The following SSUH2 variants were observed in gnomAD, a reference collection of about 807,000 sequenced individuals.
SSUH2 encodes ssu-2 homolog, also known as protein SSUH2 homolog.
SSUH2 carries 47 observed loss-of-function variants against 55.3 expected under a neutral mutation model. That is an observed-to-expected ratio of 0.85 (90% CI 0.67 to 1.08). The LOEUF (loss-of-function observed/expected upper bound fraction) is 1.08, where lower values mean the gene tolerates loss of function less well. Ranked by LOEUF, SSUH2 falls within the 50% of genes least tolerant of loss-of-function variation. The probability of loss-of-function intolerance (pLI) is 0.00; values close to 1 mark genes in which losing one functional copy is unlikely to be tolerated. For synonymous variants in SSUH2, 212 were observed against 191.5 expected (o/e 1.11, Z -0.89); for missense variants, 535 against 490.7 (o/e 1.09, Z -0.85).
rs560501734 is a variant in SSUH2 at position 8,634,275 on chromosome 3, A to T, written c.210-480T>A. 114 of 799,934 alleles carry T rather than the reference A, an allele frequency of 1.4e-4. 1 individual carries two copies. In the South Asian group the frequency reaches 1.8e-3, roughly 13 times the overall value. The allele number at this position is 799,934 out of a possible 1,614,324, so 49.6% of individuals were successfully genotyped here. On this transcript the variant is annotated intron_variant, in intron 3 of 11. Transcript: ENST00000544814. ...TGGCCCAGGGCTGATGGCAGCGCCC[A>T]TGGAGACTCACCCTGAGGACCGTGG...
At chr3:8,673,521 C>G (rs560400029) in intron 3 of SSUH2, among the ~76,000 whole-genome samples, 117 of 152,232 alleles carry the variant, frequency 7.7e-4, no homozygotes, top group African/African-American at 2.8e-3. Flanking sequence ...AAACAATACC[C>G]CATCCTACAG....
chr3:8,667,114 G>A (rs1282986034), intron 5 of SSUH2, among the ~76,000 whole-genome samples: 1 of 152,206 alleles, frequency 6.6e-6, no homozygotes, highest in Non-Finnish European at 1.5e-5. Flanking sequence ...AGGGGTAAAG[G>A]GGTGGCTACT....
In SSUH2 at chr3:8,619,503, C is replaced by T. The variant is rs886342645; in HGVS notation, c.*365G>A. On this transcript the variant is annotated 3_prime_UTR_variant, in exon 12 of 12. Transcript: ENST00000544814. ...TACTCAGATCGTCAAGAGGCTCCCA[C>T]TAGAAGAAGCACACCAGAACCAAGA... The T allele has an allele frequency of 5.9e-5, 12 of 202,138 alleles. No individual in the cohort carries two copies. The Admixed American group carries it at 6.7e-4, about 11-fold the overall frequency. 12.5% of individuals were successfully genotyped at this position (202,138 alleles called of 1,614,324 possible). A position where few individuals can be genotyped will look rare whatever the true frequency, so the allele number is the denominator to read the frequency against.
At chr3:8,629,622 C>G in intron 7 of SSUH2, 42 bp downstream of exon 7, 1 of 647,748 alleles carries the variant, frequency 1.5e-6, no homozygotes, top group South Asian at 2.9e-5. Context: ...CCCCCGGCCA[C>G]CACACCCTCA....
At chr3:8,639,173 G>A (rs77641521) in intron 1 of SSUH2, among the ~76,000 whole-genome samples, 1 of 152,210 alleles carries the variant, frequency 6.6e-6, no homozygotes, top group African/African-American at 2.4e-5. Context: ...GGCATTGTGT[G>A]ACACCCAGCA....
chr3:8,652,407 A>G (rs192477061), intron 7 of SSUH2, among the ~76,000 whole-genome samples: 2 of 152,302 alleles, frequency 1.3e-5, no homozygotes, highest in East Asian at 3.9e-4. Context: ...TTGTGTCACT[A>G]ATAGCAGCTG....
Position 8,626,427 on chromosome 3 carries a change from C to T in SSUH2, c.675-106G>A, listed in dbSNP as rs79447310. ...CCTCCTGGAGGTAGACTGTGGTGGGCCTGCATTGTTTGTACCTGCCCACCA... is the reference window on the plus strand; with the variant it reads ...CCTCCTGGAGGTAGACTGTGGTGGGTCTGCATTGTTTGTACCTGCCCACCA... On this transcript the variant is annotated intron_variant, in intron 8 of 11. Transcript: ENST00000544814. The T allele has an allele frequency of 2.5e-3, 2,035 of 806,854 alleles. 38 individuals are homozygous for T. In the African/African-American group the frequency reaches 0.031, roughly 12 times the overall value. The allele number at this position is 806,854 out of a possible 1,614,324, so 50.0% of individuals were successfully genotyped here.
intron 7 of SSUH2, among the ~76,000 whole-genome samples, chr3:8,653,133 G>T (rs73015950): frequency 0.027 from 4,067 of 152,330 alleles, 75 homozygotes; most frequent in Admixed American, 0.056. Flanking sequence ...ACATGGAGAT[G>T]TATGTCATCC....
intron 3 of SSUH2, 172 bp from the exon 4 acceptor site, chr3:8,633,967 T>A (rs1416292023): frequency 6.2e-7 from 1 of 1,611,554 alleles, no homozygotes; most frequent in Admixed American, 1.7e-5. Flanking sequence ...TGTGAACGGG[T>A]GCCCAGCGTG....
In SSUH2 at chr3:8,623,611, A is replaced by G; in HGVS notation, c.919T>C (p.Ser307Pro). ...DFPLRDISLASQRGIAEHSAA... is the reference protein window; with the variant it reads ...DFPLRDISLAPQRGIAEHSAA... ...CTGTGCTCTGCAATGCCCCTCTGGG[A>G]GGCAAGAGAGATGTCTCGCAGAGGG... The change falls in exon 11 of 12, where the codon TCC (serine) becomes CCC (proline). Residue 307 changes from serine to proline, a missense_variant. Coordinates refer to ENST00000544814, the MANE Select transcript of SSUH2 (RefSeq NM_001256748.3). 1 of 1,545,728 alleles carries G rather than the reference A, an allele frequency of 6.5e-7. No individual in the cohort carries two copies. The highest frequency in any genetic ancestry group is 8.8e-7 in the Non-Finnish European group (1 of 1,142,416).
rs1263860163 is a variant in SSUH2, at chr3:8,676,920, T to C, written c.-753+286A>G. Among the ~76,000 whole-genome samples the C allele has an allele frequency of 7.2e-5, 10 of 139,192 alleles. 1 individual carries two copies. Among genetic ancestry groups the C allele is most frequent in the African/African-American group, 2.7e-4 (10 of 37,298 alleles). The allele number at this position is 139,192 out of a possible 152,430, so 91.3% of individuals were successfully genotyped here. On this transcript the variant is annotated intron_variant, in intron 3 of 18. Transcript: ENST00000317371. The stretch of plus-strand genomic sequence containing the variant: ...AGAGAGCCAGCCCCTCTTTCCCCCC[T>C]GGCTCTTAGGACCCCCATAGTACGG...
At chr3:8,642,220 A>G (rs1446571451) in intron 1 of SSUH2, among the ~76,000 whole-genome samples, 1 of 152,228 alleles carries the variant, frequency 6.6e-6, no homozygotes, top group Non-Finnish European at 1.5e-5. Context: ...GGTATATAGA[A>G]TAAGGGAGGG....
chr3:8,626,368 G>C, intron 8 of SSUH2, 47 bp from the exon 9 acceptor site: 1 of 1,521,430 alleles, frequency 6.6e-7, no homozygotes, highest in East Asian at 2.3e-5. Context: ...TGCAGGTCCT[G>C]GTGGCTTCCA....
chr3:8,623,137 G>T (rs1455268568), intron 11 of SSUH2, among the ~76,000 whole-genome samples: 1 of 152,232 alleles, frequency 6.6e-6, no homozygotes, highest in African/African-American at 2.4e-5. Context: ...CAGAGGCCAG[G>T]AGAAGACAGG....
At chr3:8,681,137 CCT>C (rs1705912367) in intron 1 of SSUH2, among the ~76,000 whole-genome samples, 1 of 95,508 alleles carries the variant, frequency 1.0e-5, no homozygotes, top group East Asian at 6.1e-4. Flanking sequence ...CTCTTCCCCC[CCT>C]GCCTCTTAGG....
chr3:8,646,845 T>C (rs1241165864), upstream of SSUH2, among the ~76,000 whole-genome samples: 1 of 152,224 alleles, frequency 6.6e-6, no homozygotes, highest in African/African-American at 2.4e-5. Flanking sequence ...ACTATGTGCC[T>C]GACATCTGAC....
At position 8,630,868 on chromosome 3, in the gene SSUH2, T is replaced by C. The variant is rs2125153617; in HGVS notation, c.462A>G (p.Gln154=). The C allele has an allele frequency of 6.7e-7, 1 of 1,501,944 alleles. No homozygotes were observed. The highest frequency in any genetic ancestry group is 8.9e-7 in the Non-Finnish European group (1 of 1,125,816). 93.0% of individuals were successfully genotyped at this position (1,501,944 alleles called of 1,614,324 possible). A position where few individuals can be genotyped will look rare whatever the true frequency, so the allele number is the denominator to read the frequency against. ...ASPRLWDIKV[Q]GPPMFQEDTR... ...TGTCTTCCTGAAACATCGGAGGACC[T>C]TGAACCTTGATGTCCCAGAGCCTGG... Residue 154 remains glutamine (Q), a synonymous_variant, in exon 6 of 12, where the codon CAA becomes CAG. Transcript: ENST00000544814.
intron 5 of SSUH2, among the ~76,000 whole-genome samples, chr3:8,669,740 T>C (rs1559531609): frequency 6.6e-6 from 1 of 152,092 alleles, no homozygotes; most frequent in African/African-American, 2.4e-5. Flanking sequence ...TCTCAATCTA[T>C]CAAAGCATGA....
intron 1 of SSUH2, among the ~76,000 whole-genome samples, chr3:8,681,548 A>G (rs1204333805): frequency 7.6e-6 from 1 of 132,360 alleles, no homozygotes; most frequent in African/African-American, 2.9e-5. Context: ...TCGGACCCCC[A>G]TGGGGGGCGG....
Sources: gnomAD v4.1 joint callset for allele counts (sites outside exome capture counted in the v4.1 genomes callset) on GRCh38, gnomAD v4.1.1 for gene constraint, MANE v1.5 for transcripts, NCBI Gene and HGNC (gene_info 2026-07-23, HGNC 2026-07-21) for gene names.